Variants in BRF1 observed in about 807,000 individuals in gnomAD.
The protein encoded by BRF1 is transcription factor IIIB 90 kDa subunit.
Under a neutral mutation model 81.7 loss-of-function variants are expected in BRF1, and 59 were observed. That is an observed-to-expected ratio of 0.72 (90% CI 0.59 to 0.90). BRF1 has a LOEUF of 0.90. Ranked by LOEUF, BRF1 falls within the 40% of genes least tolerant of loss-of-function variation. The pLI, the probability that BRF1 is intolerant of heterozygous loss-of-function variation, is 0.00. For synonymous variants in BRF1, 491 were observed against 395.6 expected (o/e 1.24, Z -2.86); for missense variants, 1,050 against 936.3 (o/e 1.12, Z -1.58).
rs1478790377 is a variant in BRF1 at position 105,248,371 on chromosome 14, G to C, written c.544+4136C>G. 3.0e-6 allele frequency: 3 copies of C among 985,472 alleles called. No homozygotes were observed. In the African/African-American group the frequency reaches 5.2e-5, roughly 17 times the overall value. 61.0% of individuals were successfully genotyped at this position (985,472 alleles called of 1,614,324 possible). ...CACCTGCGCATGGCACTGCGGGTCTGGGGGCGGCCGCCTGCCAGCGCCGGG... is the reference window on the plus strand; with the variant it reads ...CACCTGCGCATGGCACTGCGGGTCTCGGGGCGGCCGCCTGCCAGCGCCGGG... On this transcript the variant is annotated intron_variant, in intron 5 of 17. Coordinates refer to ENST00000547530, the MANE Select transcript of BRF1 (RefSeq NM_001519.4).
At position 105,269,270 on chromosome 14, in the gene BRF1, G is replaced by C. The variant is rs1351172206; in HGVS notation, c.439+3451C>G. Among the ~76,000 whole-genome samples the C allele has an allele frequency of 6.6e-6, 1 of 152,110 alleles. No individual in the cohort carries two copies. Among genetic ancestry groups the C allele is most frequent in the South Asian group, 2.1e-4 (1 of 4,830 alleles). The stretch of plus-strand genomic sequence containing the variant: ...TGGGAAGTGAGGGCTACAGCTACCC[G>C]AGACCAGCCCGAAGCATCCTCTGAG... On this transcript the variant is annotated intron_variant, in intron 3 of 17. Coordinates refer to ENST00000547530, the MANE Select transcript of BRF1 (RefSeq NM_001519.4). This position sits in a 1 kb window ranked among gnomAD's most constrained non-coding sequence, Gnocchi z 5.0.
chr14:105,228,905 C>T lies in BRF1; in HGVS notation c.703G>A (p.Val235Ile), dbSNP rs765768932. ...CTGAAGTCATGCATTCTGGCTGCAA[C>T]CAGGAGCGCTGGAAGGCAACGAGAC... ...PSGLCGAALL[V>I]AARMHDFRRT... The change falls in exon 7 of 18, where the codon GTT becomes ATT. Residue 235 changes from valine (V) to isoleucine (I), a missense_variant. This residue lies in a region of BRF1 where 1,043 missense variants were observed against 915.4 expected (regional missense o/e 1.14). Transcript: ENST00000547530. The T allele has an allele frequency of 1.9e-6, 3 of 1,613,588 alleles. No homozygotes were observed. Among genetic ancestry groups the T allele is most frequent in the Non-Finnish European group, 2.5e-6 (3 of 1,179,986 alleles).
In BRF1 at chr14:105,229,620, T is replaced by C. The variant is rs117952084; in HGVS notation, c.695-707A>G. Reference sequence around the variant, plus strand: ...ACCTGGGGGGTCACAGAGGTCCAACTAGAACAGTCGCCCAGCTGGGGGCGG... The same window carrying C: ...ACCTGGGGGGTCACAGAGGTCCAACCAGAACAGTCGCCCAGCTGGGGGCGG... On this transcript the variant is annotated intron_variant, in intron 6 of 17. Coordinates refer to ENST00000547530, the MANE Select transcript of BRF1 (RefSeq NM_001519.4). Among the ~76,000 whole-genome samples the C allele has an allele frequency of 3.2e-3, 483 of 152,240 alleles. 6 individuals carry two copies. The East Asian group carries it at 0.035, about 11-fold the overall frequency.
chr14:105,296,011 G>C (rs973349275), intron 1 of BRF1, among the ~76,000 whole-genome samples: 3 of 150,220 alleles, frequency 2.0e-5, no homozygotes, highest in Admixed American at 6.6e-5. Context: ...AACCCAGGAG[G>C]GGGAGGTTGC....
Position 105,214,836 on chromosome 14 carries a change from C to T in BRF1, c.1773-2672G>A, listed in dbSNP as rs752677982. ...GGTCCCTCCCCACCACCCCTCCCCA[C>T]GTCGGAGCCTCAGCCTCTTTCCAAG... On this transcript the variant is annotated intron_variant, in intron 15 of 17. Transcript: ENST00000547530. 7.2e-5 allele frequency among the ~76,000 whole-genome samples: 11 copies of T among 152,312 alleles called. No homozygotes were observed. In the South Asian group the frequency reaches 1.7e-3, roughly 23 times the overall value.
intron 10 of BRF1, among the ~76,000 whole-genome samples, chr14:105,222,887 C>A (rs950326477): frequency 7.2e-5 from 11 of 152,170 alleles, no homozygotes; most frequent in Admixed American, 3.3e-4. Flanking sequence ...CTCAGCCTCC[C>A]AAAGTGCTGG....
rs1378777481 is a variant in BRF1, at chr14:105,241,642, A to C, written c.545-228T>G. ...CCTGCTGCCAGCCAGCCTGCTGCAG[A>C]CACGCTAGGGCCAGGCAGCGTGCTC... On this transcript the variant is annotated intron_variant, in intron 5 of 17. Transcript: ENST00000547530. 3 of 606,520 alleles carry C rather than the reference A, an allele frequency of 4.9e-6. No individual in the cohort carries two copies. The East Asian group carries it at 8.6e-5, about 17-fold the overall frequency. 37.6% of individuals were successfully genotyped at this position (606,520 alleles called of 1,614,324 possible).
intron 1 of BRF1, among the ~76,000 whole-genome samples, chr14:105,299,966 G>T (rs138356369): frequency 6.6e-6 from 1 of 152,206 alleles, no homozygotes; most frequent in Non-Finnish European, 1.5e-5. Context: ...CCTTCCACAG[G>T]CTGGGGTCCA....
At position 105,249,312 on chromosome 14, in the gene BRF1, C is replaced by G. The variant is rs745330704; in HGVS notation, c.544+3195G>C. The G allele has an allele frequency of 1.9e-6, 3 of 1,589,674 alleles. No homozygotes were observed. The South Asian group carries it at 3.4e-5, about 18-fold the overall frequency. ...CGCCCCGTCCGCCGTGTGGCTGACACGCAGCCTGCGGGAGAGCCAGGCTCA... is the reference window on the plus strand; with the variant it reads ...CGCCCCGTCCGCCGTGTGGCTGACAGGCAGCCTGCGGGAGAGCCAGGCTCA... On this transcript the variant is annotated intron_variant, in intron 5 of 17. Coordinates refer to ENST00000547530, the MANE Select transcript of BRF1 (RefSeq NM_001519.4).
intron 1 of BRF1, among the ~76,000 whole-genome samples, chr14:105,312,066 A>G (rs1323889374): frequency 6.6e-6 from 1 of 151,736 alleles, no homozygotes; most frequent in African/African-American, 2.4e-5. Flanking sequence ...CCCCTCCCCC[A>G]CTCCCCGACT....
chr14:105,215,377 C>T (rs1890950869), intron 15 of BRF1, among the ~76,000 whole-genome samples: 1 of 152,202 alleles, frequency 6.6e-6, no homozygotes, highest in Middle Eastern at 3.4e-3. Flanking sequence ...CATAGGCGTG[C>T]ACACCTGCAT....
intron 6 of BRF1, 143 bp downstream of exon 6, chr14:105,241,122 A>C (rs1566822521): frequency 2.2e-6 from 3 of 1,349,198 alleles, no homozygotes; most frequent in South Asian, 1.4e-5. Flanking sequence ...CCGGTGGGCC[A>C]GGCCAGAGTC....
intron 16 of BRF1, 195 bp downstream of exon 16, chr14:105,211,918 G>T: frequency 1.3e-6 from 1 of 746,122 alleles, no homozygotes; most frequent in Non-Finnish European, 2.2e-6. Context: ...CTTCCTGCCC[G>T]CTCCTGCTCC....
intron 13 of BRF1, 21 bp downstream of exon 13, chr14:105,219,130 G>C: frequency 6.2e-7 from 1 of 1,612,894 alleles, no homozygotes; most frequent in South Asian, 1.1e-5. Flanking sequence ...CTGCGTGTGA[G>C]TGTGGGCGGG....
Position 105,210,498 on chromosome 14 carries a change from G to A in BRF1, c.*53C>T. Reference sequence around the variant, plus strand: ...CGGTCCTGGAAGCCCGTCTGATGCTGAGGAGACCCGCGAGGCCCCCTGCCA... The same window carrying A: ...CGGTCCTGGAAGCCCGTCTGATGCTAAGGAGACCCGCGAGGCCCCCTGCCA... On this transcript the variant is annotated 3_prime_UTR_variant, in exon 18 of 18. Coordinates refer to ENST00000547530, the MANE Select transcript of BRF1 (RefSeq NM_001519.4). This position sits in a 1 kb window ranked among gnomAD's most constrained non-coding sequence, Gnocchi z 4.7. 6.2e-7 allele frequency: 1 copy of A among 1,600,084 alleles called. No individual in the cohort carries two copies. The highest frequency in any genetic ancestry group is 1.7e-5 in the Admixed American group (1 of 59,518).
chr14:105,222,063 C>T lies in BRF1; in HGVS notation c.1049-149G>A, dbSNP rs587651718. 3,190 of 967,774 alleles carry T rather than the reference C, an allele frequency of 3.3e-3. 5 individuals carry two copies. The highest frequency in any genetic ancestry group is 4.1e-3 in the Non-Finnish European group (2,810 of 683,144). The allele number at this position is 967,774 out of a possible 1,614,324, so 59.9% of individuals were successfully genotyped here. ...CGGTCAGGTGCCAAAGAACGAGCCT[C>T]AGCCCACACCTCGCACTGCACGCGG... On this transcript the variant is annotated intron_variant, in intron 10 of 17. Transcript: ENST00000547530.
intron 1 of BRF1, among the ~76,000 whole-genome samples, chr14:105,294,364 C>T (rs1021280084): frequency 2.0e-5 from 3 of 152,360 alleles, no homozygotes; most frequent in Admixed American, 2.0e-4. Flanking sequence ...GACAGACTTC[C>T]AGCTCTGCAC....
In BRF1 at chr14:105,220,054, G is replaced by T. The variant is rs1051583138; in HGVS notation, c.1377+15C>A. ...CCAAGCCCAGCCCCTCTTGGGAAGG[G>T]GTGCTGCCACGTACCCTGTCAATCT... On this transcript the variant is annotated intron_variant, in intron 12 of 17. Transcript: ENST00000547530. 6.2e-7 allele frequency: 1 copy of T among 1,611,290 alleles called. No individual in the cohort carries two copies. The highest frequency in any genetic ancestry group is 1.1e-5 in the South Asian group (1 of 91,088).
intron 1 of BRF1, among the ~76,000 whole-genome samples, chr14:105,306,905 C>A (rs1406517049): frequency 6.6e-6 from 1 of 151,420 alleles, no homozygotes; most frequent in African/African-American, 2.4e-5. Flanking sequence ...CGTGCCAAGC[C>A]CCATCGTGTT....
Sources: gnomAD v4.1 joint callset for allele counts (sites outside exome capture counted in the v4.1 genomes callset) on GRCh38, gnomAD v4.1.1 for gene constraint, gnomAD v4.1.1 regional missense constraint, Gnocchi (gnomAD v3.1) non-coding constraint, MANE v1.5 for transcripts, NCBI Gene and HGNC (gene_info 2026-07-23, HGNC 2026-07-21) for gene names.